The following TENM1 variants were observed in gnomAD, a reference collection of about 807,000 sequenced individuals.
TENM1 encodes the protein teneurin transmembrane protein 1.
A neutral mutation model predicts 174.8 loss-of-function variants in TENM1; 35 were observed. The observed-to-expected ratio is 0.20, with a 90% CI of 0.15 to 0.27. The LOEUF (loss-of-function observed/expected upper bound fraction) is 0.27. TENM1 is among the 10% of genes least tolerant of loss of function. TENM1 has a pLI of 1.00. For missense variants in TENM1, 1,633 were observed against 2,130.1 expected (o/e 0.77, Z 4.59); for synonymous variants, 781 against 798.7 (o/e 0.98, Z 0.37).
At chrX:124,401,304 G>C (rs1226014996) in intron 27 of TENM1, among the ~76,000 whole-genome samples, 1 of 111,669 alleles carries the variant, frequency 9.0e-6, no homozygotes, top group Non-Finnish European at 1.9e-5. Context: ...TGAACAATTA[G>C]TGCTTTATGG....
intron 6 of TENM1, among the ~76,000 whole-genome samples, chrX:124,665,473 T>C (rs1038963902): frequency 2.7e-5 from 3 of 112,869 alleles, no homozygotes; most frequent in South Asian, 3.6e-4. Context: ...TCCAAACTTA[T>C]AAGGTAGGAA....
chrX:124,453,960 T>G (rs910839541), intron 22 of TENM1, among the ~76,000 whole-genome samples: 1 of 111,849 alleles, frequency 8.9e-6, no homozygotes, highest in Non-Finnish European at 1.9e-5. Context: ...AGGGAGTTTG[T>G]AATAACTTTG....
chrX:124,752,676 G>A (rs1399697331), intron 3 of TENM1, among the ~76,000 whole-genome samples: 1 of 111,660 alleles, frequency 9.0e-6, no homozygotes, highest in Non-Finnish European at 1.9e-5. Flanking sequence ...TGTATAATAT[G>A]TAAGGAAGGG....
chrX:124,641,893 G>A (rs746984972), exon 11 of TENM1: 2 of 1,210,654 alleles, frequency 1.7e-6, no homozygotes, highest in South Asian at 3.5e-5. Context: ...CATACAGGAA[G>A]TGGTGTTTCA....
the TENM1 span, among the ~76,000 whole-genome samples, chrX:124,996,373 C>T: frequency 9.1e-6 from 1 of 110,417 alleles, no homozygotes; most frequent in Admixed American, 9.7e-5. Flanking sequence ...CATAGGAAAA[C>T]GTTTGTCTAA....
At chrX:125,125,041 T>A in the TENM1 span, among the ~76,000 whole-genome samples, 2 of 112,437 alleles carry the variant, frequency 1.8e-5, no homozygotes, top group Non-Finnish European at 3.8e-5. Flanking sequence ...TAGAAACAAA[T>A]TTCTGCATCA....
chrX:124,665,944 C>T lies in TENM1; in HGVS notation c.1168+5739G>A, dbSNP rs751336140. On this transcript the variant is annotated intron_variant, in intron 6 of 31. Transcript: ENST00000422452. ...CCCGCCTCTTCTCTGCCCCTAGAAA[C>T]GGTTGAAAGCCAACTCCCTTATTTT... Among the ~76,000 whole-genome samples the T allele has an allele frequency of 1.5e-4, 17 of 111,787 alleles. 1 individual carries two copies. The South Asian group carries it at 5.7e-3, about 37-fold the overall frequency.
the TENM1 span, among the ~76,000 whole-genome samples, chrX:125,063,230 A>C: frequency 8.9e-6 from 1 of 112,284 alleles, no homozygotes; most frequent in Non-Finnish European, 1.9e-5. Flanking sequence ...AAGAGACTTC[A>C]AAACGTTCAT....
intron 1 of TENM1, among the ~76,000 whole-genome samples, chrX:124,963,001 T>C (rs925666132): frequency 1.5e-4 from 17 of 112,093 alleles, no homozygotes; most frequent in African/African-American, 5.2e-4. Flanking sequence ...ATTGAGAAAC[T>C]AAGACTGCCC....
chrX:124,662,761 A>G (rs1480508056), intron 6 of TENM1, among the ~76,000 whole-genome samples: 6 of 111,760 alleles, frequency 5.4e-5, no homozygotes, highest in South Asian at 3.7e-4. Flanking sequence ...AAACAGTCGT[A>G]TTTTAATCTT....
At chrX:124,910,102 C>A (rs748701622) in intron 1 of TENM1, among the ~76,000 whole-genome samples, 1 of 112,042 alleles carries the variant, frequency 8.9e-6, no homozygotes, top group Non-Finnish European at 1.9e-5. Flanking sequence ...TGAAATTTAT[C>A]AAGGAGGTAT....
the TENM1 span, among the ~76,000 whole-genome samples, chrX:125,046,792 A>T: frequency 4.5e-5 from 5 of 110,730 alleles, no homozygotes; most frequent in South Asian, 3.9e-4. Context: ...GAGACAAAAG[A>T]ACTGATAGCA....
At chrX:124,625,249 T>C (rs2050608762) in intron 11 of TENM1, among the ~76,000 whole-genome samples, 1 of 111,529 alleles carries the variant, frequency 9.0e-6, no homozygotes, top group Non-Finnish European at 1.9e-5. Flanking sequence ...ATATAGAAGA[T>C]ACTTTGGAAA....
intron 23 of TENM1, among the ~76,000 whole-genome samples, chrX:124,448,725 C>G (rs2060993851): frequency 8.9e-6 from 1 of 112,001 alleles, no homozygotes; most frequent in Admixed American, 9.5e-5. Context: ...CAGGAACACA[C>G]AGTCTACTGT....
At chrX:124,444,165 G>A (rs950761202) in intron 23 of TENM1, among the ~76,000 whole-genome samples, 1 of 111,625 alleles carries the variant, frequency 9.0e-6, no homozygotes, top group Admixed American at 9.6e-5. Context: ...AGGCATAGAA[G>A]GCATTCATCA....
intron 3 of TENM1, among the ~76,000 whole-genome samples, chrX:124,851,172 C>A (rs981313665): frequency 9.0e-6 from 1 of 111,434 alleles, no homozygotes; most frequent in Admixed American, 9.5e-5. Context: ...CTGTCTGAAT[C>A]AGTACAATAT....
At chrX:124,453,257 C>A in intron 23 of TENM1, 80 bp downstream of exon 26, 1 of 983,043 alleles carries the variant, frequency 1.0e-6, no homozygotes, top group Non-Finnish European at 1.4e-6. Flanking sequence ...TTCCATTCTA[C>A]CTCATTTCTA....
chrX:124,476,190 CA>C, intron 22 of TENM1, among the ~76,000 whole-genome samples: 1 of 111,712 alleles, frequency 9.0e-6, no homozygotes, highest in East Asian at 2.8e-4. Flanking sequence ...GTGACATCAG[CA>C]AAAAGTCACT....
At chrX:124,944,243 A>T (rs897138798) in intron 1 of TENM1, among the ~76,000 whole-genome samples, 6 of 111,052 alleles carry the variant, frequency 5.4e-5, no homozygotes, top group Admixed American at 2.9e-4. Flanking sequence ...TTACCAGCTA[A>T]TTTTTTTTAT....
Sources: gnomAD v4.1 joint callset for allele counts (sites outside exome capture counted in the v4.1 genomes callset) on GRCh38, gnomAD v4.1.1 for gene constraint, MANE v1.5 for transcripts, NCBI Gene and HGNC (gene_info 2026-07-23, HGNC 2026-07-21) for gene names.